NRG3: variants seen among roughly 807,000 people sequenced by gnomAD.
NRG3 encodes the protein neuregulin 3.
Under a neutral mutation model 66.9 loss-of-function variants are expected in NRG3, and 31 were observed. The observed-to-expected ratio is 0.46, with a 90% CI of 0.35 to 0.63. NRG3 has a LOEUF of 0.63. Among genes scored for constraint, NRG3 ranks in the 20% least tolerant of loss-of-function variants. The pLI, the probability that NRG3 is intolerant of heterozygous loss-of-function variation, is 0.00. For synonymous variants in NRG3, 393 were observed against 359.4 expected, an observed-to-expected ratio of 1.09 and a Z score of -1.06; for missense variants, 910 against 878.9, an observed-to-expected ratio of 1.04 and a Z score of -0.45.
At chr10:82,826,787 C>A (rs2062234067) in intron 3 of NRG3, among the ~76,000 whole-genome samples, 1 of 151,886 alleles carries the variant, frequency 6.6e-6, no homozygotes. Context: ...GGGTGAAAAT[C>A]AAAAACTACC....
intron 1 of NRG3, among the ~76,000 whole-genome samples, chr10:82,174,310 C>T (rs1342014770): frequency 6.6e-6 from 1 of 151,928 alleles, no homozygotes; most frequent in South Asian, 2.1e-4. Flanking sequence ...ATCCCTTTAC[C>T]TTTATCTCCC....
chr10:82,029,230 T>C (rs572112044), intron 1 of NRG3, among the ~76,000 whole-genome samples: 1 of 151,984 alleles, frequency 6.6e-6, no homozygotes, highest in Admixed American at 6.6e-5. Context: ...AAGAATCAAA[T>C]AAACTCTGAT....
At chr10:82,347,525 GA>G (rs961979589) in intron 1 of NRG3, among the ~76,000 whole-genome samples, 1 of 150,720 alleles carries the variant, frequency 6.6e-6, no homozygotes, top group Non-Finnish European at 1.5e-5. Context: ...GTGTGGTGCT[GA>G]AAAAAATGTA....
chr10:82,018,748 G>A (rs375237492), intron 1 of NRG3, among the ~76,000 whole-genome samples: 1 of 152,072 alleles, frequency 6.6e-6, no homozygotes, highest in East Asian at 1.9e-4. Flanking sequence ...TCTGTTATTG[G>A]TGTATAAGAA....
chr10:82,213,392 C>A (rs554031130), intron 1 of NRG3, among the ~76,000 whole-genome samples: 15 of 152,238 alleles, frequency 9.9e-5, no homozygotes, highest in Non-Finnish European at 2.1e-4. Flanking sequence ...TTGTTTCATG[C>A]ACAATAAATA....
intron 3 of NRG3, among the ~76,000 whole-genome samples, chr10:82,828,336 C>G (rs1244069475): frequency 6.6e-6 from 1 of 152,198 alleles, no homozygotes; most frequent in Admixed American, 6.5e-5. Context: ...CTTCTGCCCC[C>G]TGCCTAGTCA....
chr10:82,578,653 G>C (rs1192897303), intron 2 of NRG3, among the ~76,000 whole-genome samples: 1 of 151,638 alleles, frequency 6.6e-6, no homozygotes, highest in Non-Finnish European at 1.5e-5. Context: ...GCATTTTAAA[G>C]CCTGACTCCT....
intron 2 of NRG3, among the ~76,000 whole-genome samples, chr10:82,395,888 C>T (rs959512335): frequency 3.8e-4 from 58 of 152,180 alleles, no homozygotes; most frequent in South Asian, 1.5e-3. Flanking sequence ...ATTGAAAATG[C>T]TCTTACCATT....
intron 1 of NRG3, among the ~76,000 whole-genome samples, chr10:81,891,971 A>G (rs1005654307): frequency 4.6e-5 from 7 of 152,210 alleles, no homozygotes; most frequent in Admixed American, 3.9e-4. Flanking sequence ...GTCCACACAC[A>G]TATAAACACA....
At chr10:82,000,634 G>A (rs2133671569) in intron 1 of NRG3, among the ~76,000 whole-genome samples, 1 of 152,218 alleles carries the variant, frequency 6.6e-6, no homozygotes, top group Middle Eastern at 3.4e-3. Flanking sequence ...GTATCTTCCT[G>A]GCTTCAGCCT....
chr10:82,835,261 G>T lies in NRG3; in HGVS notation c.1028-30150G>T, dbSNP rs185098214. Reference sequence around the variant, plus strand: ...TGATGTCCTGCATGCTTTTATAATGGCCACACTCCAGGGCAGCTGGAGACA... The same window carrying T: ...TGATGTCCTGCATGCTTTTATAATGTCCACACTCCAGGGCAGCTGGAGACA... On this transcript the variant is annotated intron_variant, in intron 3 of 8. Transcript: ENST00000372141. 3.7e-3 allele frequency among the ~76,000 whole-genome samples: 562 copies of T among 152,202 alleles called. 12 individuals carry two copies. Among genetic ancestry groups the T allele is most frequent in the Non-Finnish European group, 8.4e-4 (57 of 68,016 alleles).
intron 4 of NRG3, among the ~76,000 whole-genome samples, chr10:82,943,175 A>C (rs2132282637): frequency 6.6e-6 from 1 of 152,320 alleles, no homozygotes; most frequent in East Asian, 1.9e-4. Flanking sequence ...TGCATCATTT[A>C]TATGCCATGT....
intron 4 of NRG3, among the ~76,000 whole-genome samples, chr10:82,918,114 C>T (rs962585249): frequency 6.6e-6 from 1 of 151,582 alleles, no homozygotes; most frequent in African/African-American, 2.4e-5. Flanking sequence ...ACATTTTCCC[C>T]CTGAAATATG....
At chr10:82,716,762 G>A (rs547595596) in intron 2 of NRG3, among the ~76,000 whole-genome samples, 3 of 152,258 alleles carry the variant, frequency 2.0e-5, no homozygotes, top group African/African-American at 7.2e-5. Context: ...GCAAATTAAG[G>A]TGGAAACTGA....
At chr10:82,973,532 A>C (rs1414071745) in intron 6 of NRG3, among the ~76,000 whole-genome samples, 1 of 152,208 alleles carries the variant, frequency 6.6e-6, no homozygotes, top group East Asian at 1.9e-4. Flanking sequence ...AATTAAAATG[A>C]GATAGCAGGC....
chr10:82,537,027 G>C (rs1204230464), intron 2 of NRG3, among the ~76,000 whole-genome samples: 1 of 151,916 alleles, frequency 6.6e-6, no homozygotes, highest in Non-Finnish European at 1.5e-5. Context: ...AAAACTTGAG[G>C]ACCCAAGACT....
intron 4 of NRG3, among the ~76,000 whole-genome samples, chr10:82,883,708 C>T (rs373551395): frequency 5.7e-4 from 86 of 151,936 alleles, no homozygotes; most frequent in African/African-American, 2.0e-3. Context: ...TCAACTCTTT[C>T]TTTTCCTGTG....
In NRG3 at chr10:82,980,211, G is replaced by C. The variant is rs201627010; in HGVS notation, c.1583+1091G>C. On this transcript the variant is annotated intron_variant, in intron 8 of 8. Coordinates refer to ENST00000372141, the MANE Select transcript of NRG3 (RefSeq NM_001010848.4). The stretch of plus-strand genomic sequence containing the variant: ...CAGAGTGAGACCCTATCTCAAAAAA[G>C]AAAAAAAAAAATACAAATAATTGAG... Among the ~76,000 whole-genome samples the C allele has an allele frequency of 9.8e-4, 144 of 146,520 alleles. 2 individuals carry two copies. Among genetic ancestry groups the C allele is most frequent in the African/African-American group, 3.5e-3 (137 of 39,698 alleles).
intron 1 of NRG3, among the ~76,000 whole-genome samples, chr10:82,064,510 C>T (rs889571800): frequency 1.3e-5 from 2 of 151,698 alleles, no homozygotes; most frequent in South Asian, 2.1e-4. Flanking sequence ...GACTTATACG[C>T]GTTGAAAAAA....
Sources: gnomAD v4.1 joint callset for allele counts (sites outside exome capture counted in the v4.1 genomes callset) on GRCh38, gnomAD v4.1.1 for gene constraint, MANE v1.5 for transcripts, NCBI Gene and HGNC (gene_info 2026-07-23, HGNC 2026-07-21) for gene names.